SOCS4: variants seen among roughly 807,000 people sequenced by gnomAD.
SOCS4 encodes the protein SH2 domain containing SOCS box protein.
Under a neutral mutation model 34.1 loss-of-function variants are expected in SOCS4, and 20 were observed. That is an observed-to-expected ratio of 0.59 (90% CI 0.41 to 0.85). The LOEUF (loss-of-function observed/expected upper bound fraction) is 0.85, where lower values mean the gene tolerates loss of function less well. Among genes scored for constraint, SOCS4 ranks in the 40% least tolerant of loss-of-function variants. The pLI is 0.00. For synonymous variants in SOCS4, 180 were observed against 186.4 expected, an observed-to-expected ratio of 0.97 and a Z score of 0.28; for missense variants, 479 against 532.4, an observed-to-expected ratio of 0.90 and a Z score of 0.99.
At chr14:55,028,276 G>A (rs951019217) in intron 1 of SOCS4, among the ~76,000 whole-genome samples, 1 of 152,114 alleles carries the variant, frequency 6.6e-6, no homozygotes, top group Non-Finnish European at 1.5e-5. Flanking sequence ...AGATAGCCTT[G>A]CTAGACGCTG....
chr14:55,033,837 G>A (rs1206822913), intron 2 of SOCS4, among the ~76,000 whole-genome samples: 4 of 152,136 alleles, frequency 2.6e-5, no homozygotes, highest in Non-Finnish European at 4.4e-5. Context: ...ATTCTAGTAA[G>A]ATATAAACAG....
Position 55,039,636 on chromosome 14 carries a change from G to A in SOCS4, c.-90-3316G>A, listed in dbSNP as rs1353261128. 2.6e-5 allele frequency among the ~76,000 whole-genome samples: 4 copies of A among 152,262 alleles called. No individual in the cohort carries two copies. In the East Asian group the frequency reaches 7.7e-4, roughly 29 times the overall value. On this transcript the variant is annotated intron_variant, in intron 2 of 2. Transcript: ENST00000555846. The stretch of plus-strand genomic sequence containing the variant: ...AGGCCAGGCGCGATGGCGCATGCCT[G>A]TAATCCCACCACTTTAGGAGGCCGA...
intron 2 of SOCS4, among the ~76,000 whole-genome samples, chr14:55,040,741 C>T (rs1305203436): frequency 3.3e-5 from 5 of 150,396 alleles, no homozygotes; most frequent in African/African-American, 1.2e-4. Context: ...GAGACTCCAT[C>T]TCAAAAAAAA....
chr14:55,034,997 A>T (rs1253688590), intron 2 of SOCS4, among the ~76,000 whole-genome samples: 1 of 151,768 alleles, frequency 6.6e-6, no homozygotes, highest in Non-Finnish European at 1.5e-5. Flanking sequence ...AGTAGCTGGG[A>T]CTACAGGTGC....
intron 2 of SOCS4, 92 bp downstream of exon 2, chr14:55,032,083 T>C (rs1407456623): frequency 6.6e-6 from 1 of 152,236 alleles, no homozygotes; most frequent in Non-Finnish European, 1.5e-5. Flanking sequence ...TAATGTAGTA[T>C]ACTGAATTAT....
At chr14:55,036,997 T>G (rs1169564840) in intron 2 of SOCS4, among the ~76,000 whole-genome samples, 1 of 151,840 alleles carries the variant, frequency 6.6e-6, no homozygotes, top group Non-Finnish European at 1.5e-5. Context: ...GCACCTGTAG[T>G]CCCAGTTATT....
Position 55,044,239 on chromosome 14 carries a change from T to A in SOCS4, c.1198T>A (p.Cys400Ser), listed in dbSNP as rs369828209. 27 of 1,613,986 alleles carry A rather than the reference T, an allele frequency of 1.7e-5. No homozygotes were observed. The African/African-American group carries it at 3.3e-4, about 20-fold the overall frequency. ...QHICRTVICN[C>S]TTYDGIDALP... ...TATATGCAGAACAGTTATTTGTAACTGTACAACTTATGATGGCATCGATGC... is the reference window on the plus strand; with the variant it reads ...TATATGCAGAACAGTTATTTGTAACAGTACAACTTATGATGGCATCGATGC... Residue 400 changes from cysteine (C) to serine (S), a missense_variant, in exon 3 of 3, where the codon TGT becomes AGT. Physicochemically the swap from Cys to Ser is moderately radical, Grantham distance 112. Transcript: ENST00000555846.
Position 55,046,709 on chromosome 14 carries a change from A to C in SOCS4, c.*2345A>C, listed in dbSNP as rs2042679293. The C allele has an allele frequency of 1.2e-5, 2 of 167,012 alleles. No homozygotes were observed. Among genetic ancestry groups the C allele is most frequent in the African/African-American group, 4.8e-5 (2 of 41,438 alleles). The allele number at this position is 167,012 out of a possible 1,614,324, so 10.3% of individuals were successfully genotyped here. A position where few individuals can be genotyped will look rare whatever the true frequency, so the allele number is the denominator to read the frequency against. ...GATCTAATAAATGAGAGCAGGGAGG[A>C]GATTCATTGACTCTGAAATGATTTT... On this transcript the variant is annotated 3_prime_UTR_variant, in exon 3 of 3. Transcript: ENST00000555846.
At chr14:55,040,471 G>A (rs113048639) in intron 2 of SOCS4, among the ~76,000 whole-genome samples, 1,743 of 152,264 alleles carry the variant, frequency 0.011, 36 homozygotes, top group South Asian at 0.046. Flanking sequence ...TAGGCCGGGC[G>A]CACTGGCTCA....
intron 2 of SOCS4, among the ~76,000 whole-genome samples, chr14:55,039,844 C>G (rs1042186515): frequency 1.4e-4 from 22 of 152,040 alleles, no homozygotes; most frequent in African/African-American, 5.3e-4. Flanking sequence ...TGCAGTGAGC[C>G]GAGATCGTGC....
chr14:55,038,909 T>A (rs1378408169), intron 2 of SOCS4, among the ~76,000 whole-genome samples: 1 of 152,190 alleles, frequency 6.6e-6, no homozygotes, highest in Non-Finnish European at 1.5e-5. Context: ...TGCTGCTGAG[T>A]CAGTTATTGT....
At position 55,043,267 on chromosome 14, in the gene SOCS4, T is replaced by G; in HGVS notation, c.226T>G (p.Leu76Val). 1.2e-6 allele frequency: 2 copies of G among 1,614,224 alleles called. No individual in the cohort carries two copies. Among genetic ancestry groups the G allele is most frequent in the Non-Finnish European group, 1.7e-6 (2 of 1,180,036 alleles). The change falls in exon 3 of 3, where the codon TTG becomes GTG. Residue 76 changes from leucine (L) to valine (V), a missense_variant. Coordinates refer to ENST00000555846, the MANE Select transcript of SOCS4 (RefSeq NM_199421.2). ...ERKHSCSSIELDLDHSCGHRF... is the reference protein window; with the variant it reads ...ERKHSCSSIEVDLDHSCGHRF... Reference sequence around the variant, plus strand: ...GAAGCACAGCTGTTCATCCATTGAGTTGGACTTAGATCATTCCTGTGGGCA... The same window carrying G: ...GAAGCACAGCTGTTCATCCATTGAGGTGGACTTAGATCATTCCTGTGGGCA...
At position 55,043,955 on chromosome 14, in the gene SOCS4, A is replaced by G. The variant is rs2042647775; in HGVS notation, c.914A>G (p.Glu305Gly). The change falls in exon 3 of 3, where the codon GAG (glutamate) becomes GGG (glycine). Residue 305 changes from glutamate (E) to glycine (G), a missense_variant. Glu to Gly is a moderately conservative substitution (Grantham distance 98). Transcript: ENST00000555846. ...AAEALLEGKP[E>G]GTFLLRDSAQ... ...GAAGCACTACTGGAAGGAAAACCAG[A>G]GGGTACCTTTTTACTTCGAGACTCA... The G allele has an allele frequency of 6.2e-7, 1 of 1,614,184 alleles. No homozygotes were observed. Among genetic ancestry groups the G allele is most frequent in the South Asian group, 1.1e-5 (1 of 91,078 alleles).
intron 2 of SOCS4, 142 bp downstream of exon 2, chr14:55,032,133 T>G (rs1166159670): frequency 6.6e-6 from 1 of 152,204 alleles, no homozygotes; most frequent in Non-Finnish European, 1.5e-5. Flanking sequence ...AGTATTTACA[T>G]TAGTTGTGGT....
At chr14:55,032,101 A>T (rs762001261) in intron 2 of SOCS4, 110 bp downstream of exon 2, 1 of 152,252 alleles carries the variant, frequency 6.6e-6, no homozygotes, top group African/African-American at 2.4e-5. Flanking sequence ...TATTCTTTAT[A>T]GGATCAAATG....
At chr14:55,027,652 A>C (rs1399564644) in intron 1 of SOCS4, 181 bp downstream of exon 1, 1 of 152,286 alleles carries the variant, frequency 6.6e-6, no homozygotes, top group Non-Finnish European at 1.5e-5. Flanking sequence ...GAGATCTTCT[A>C]GAGCCTCTAA....
At chr14:55,039,345 G>A (rs1033601219) in intron 2 of SOCS4, among the ~76,000 whole-genome samples, 1 of 152,180 alleles carries the variant, frequency 6.6e-6, no homozygotes, top group African/African-American at 2.4e-5. Context: ...GGCTGAGGCA[G>A]GAGAGTCACT....
chr14:55,043,991 A>G lies in SOCS4; in HGVS notation c.950A>G (p.Asp317Gly). The G allele has an allele frequency of 1.9e-6, 3 of 1,614,160 alleles. No individual in the cohort carries two copies. Among genetic ancestry groups the G allele is most frequent in the Non-Finnish European group, 2.5e-6 (3 of 1,180,012 alleles). Residue 317 changes from aspartate to glycine, a missense_variant, in exon 3 of 3, where the codon GAC becomes GGC. Transcript: ENST00000555846. ...TFLLRDSAQE[D>G]YLFSVSFRRY... is the part of the protein sequence containing the mutation. Reference sequence around the variant, plus strand: ...TTACTTCGAGACTCAGCACAGGAAGACTATTTATTCTCTGTTAGTTTTAGA... The same window carrying G: ...TTACTTCGAGACTCAGCACAGGAAGGCTATTTATTCTCTGTTAGTTTTAGA...
intron 1 of SOCS4, among the ~76,000 whole-genome samples, chr14:55,031,011 C>G (rs1566752623): frequency 6.6e-6 from 1 of 152,040 alleles, no homozygotes; most frequent in African/African-American, 2.4e-5. Context: ...GGAATTATAG[C>G]TTTTTTCCCC....
Sources: allele counts gnomAD v4.1 joint callset (sites outside exome capture counted in the v4.1 genomes callset), GRCh38; gene constraint gnomAD v4.1.1; transcripts MANE v1.5; gene names NCBI Gene and HGNC (gene_info 2026-07-23, HGNC 2026-07-21).